JAK2: variants seen among roughly 807,000 people sequenced by gnomAD.
The protein encoded by JAK2 is tyrosine-protein kinase JAK2.
Under a neutral mutation model 139.3 loss-of-function variants are expected in JAK2, and 86 were observed. The observed-to-expected ratio is 0.62, with a 90% CI of 0.52 to 0.74. The LOEUF is 0.74. JAK2 is among the 30% of genes least tolerant of loss of function. The pLI is 0.00. For missense variants in JAK2, 1,421 were observed against 1,360.3 expected, an observed-to-expected ratio of 1.04 and a Z score of -0.70; for synonymous variants, 490 against 437.7, an observed-to-expected ratio of 1.12 and a Z score of -1.49.
At chr9:5,101,071 G>C (rs1200297535) in intron 22 of JAK2, 3 of 152,252 alleles carry the variant, frequency 2.0e-5, no homozygotes, top group African/African-American at 7.2e-5. Context: ...TTGAAGCAGG[G>C]CGGGGCATCA....
chr9:5,036,219 G>A (rs6476935), intron 4 of JAK2, among the ~76,000 whole-genome samples: 96,203 of 151,778 alleles, frequency 0.63, 32,448 homozygotes, highest in African/African-American at 0.88. Context: ...GCTCAATGAA[G>A]TAAAAGAGGA....
At chr9:5,055,889 G>C in intron 8 of JAK2, 101 bp downstream of exon 8, 1 of 1,093,156 alleles carries the variant, frequency 9.1e-7, no homozygotes, top group Non-Finnish European at 1.3e-6. Context: ...TAGGAATTTT[G>C]ATTGTAGTTT....
At chr9:5,010,161 G>A (rs1333690321) in intron 2 of JAK2, among the ~76,000 whole-genome samples, 1 of 152,108 alleles carries the variant, frequency 6.6e-6, no homozygotes, top group Non-Finnish European at 1.5e-5. Flanking sequence ...GTAAATTTCT[G>A]ATTTGCTGAT....
chr9:5,010,936 C>T (rs1212449399), intron 2 of JAK2, among the ~76,000 whole-genome samples: 3 of 152,240 alleles, frequency 2.0e-5, no homozygotes, highest in East Asian at 3.9e-4. Context: ...ACAGCTTTCC[C>T]CCTCTCCCTA....
At chr9:5,048,931 T>C (rs1233229320) in intron 5 of JAK2, among the ~76,000 whole-genome samples, 1 of 152,146 alleles carries the variant, frequency 6.6e-6, no homozygotes, top group Non-Finnish European at 1.5e-5. Flanking sequence ...AAAATTGGTA[T>C]TATGTTTAGA....
chr9:5,121,859 G>C (rs1823638531), intron 22 of JAK2, among the ~76,000 whole-genome samples: 1 of 152,130 alleles, frequency 6.6e-6, no homozygotes, highest in South Asian at 2.1e-4. Flanking sequence ...ATTACAATGA[G>C]TGCTATATGA....
intron 12 of JAK2, 79 bp downstream of exon 12, chr9:5,070,131 C>T: frequency 7.0e-6 from 7 of 1,003,230 alleles, no homozygotes; most frequent in Non-Finnish European, 1.0e-5. Flanking sequence ...ATTCATGTGA[C>T]ATTGGAATTA....
chr9:5,055,915 A>ACAT (rs1209237490), intron 8 of JAK2, 127 bp downstream of exon 8: 1 of 772,186 alleles, frequency 1.3e-6, no homozygotes, highest in African/African-American at 1.8e-5. Context: ...ATAACTCTAA[A>ACAT]CATCAGTTCA....
chr9:5,015,531 T>A (rs568973926), intron 2 of JAK2, among the ~76,000 whole-genome samples: 1 of 76,216 alleles, frequency 1.3e-5, no homozygotes, highest in South Asian at 3.4e-4. Context: ...CTTTTTCTTT[T>A]TCTTTTCTTT....
At chr9:5,086,058 A>T (rs1820078707) in intron 19 of JAK2, 3 of 719,020 alleles carry the variant, frequency 4.2e-6, no homozygotes, top group Non-Finnish European at 7.8e-6. Flanking sequence ...CACAAGATTA[A>T]AATAGGGTAT....
At chr9:5,102,522 A>C (rs1392941756) in intron 22 of JAK2, among the ~76,000 whole-genome samples, 3 of 152,168 alleles carry the variant, frequency 2.0e-5, no homozygotes, top group African/African-American at 7.2e-5. Context: ...CCAACATTCA[A>C]ATTCAGGAAA....
intron 22 of JAK2, chr9:5,109,228 T>G (rs1391109752): frequency 6.6e-6 from 1 of 152,194 alleles, no homozygotes; most frequent in Non-Finnish European, 1.5e-5. Flanking sequence ...TACATTAATA[T>G]TTATACATGT....
At chr9:5,093,908 A>G (rs1345812113) in intron 22 of JAK2, among the ~76,000 whole-genome samples, 1 of 152,114 alleles carries the variant, frequency 6.6e-6, no homozygotes, top group African/African-American at 2.4e-5. Flanking sequence ...TCTGTTTAAC[A>G]TTTCTCCTAG....
rs183846914 is a variant in JAK2 at position 5,063,885 on chromosome 9, T to C, written c.1057-998T>C. Among the ~76,000 whole-genome samples, 130 of 152,340 alleles carry C rather than the reference T, an allele frequency of 8.5e-4. 2 individuals carry two copies. In the East Asian group the frequency reaches 0.02, roughly 23 times the overall value. ...TATTAAGATACAATCAGGCCGGGCA[T>C]GGTGACTCACGCGTGTAATCCCAGC... On this transcript the variant is annotated intron_variant, in intron 8 of 24. Transcript: ENST00000381652.
In JAK2 at chr9:5,078,331, A is replaced by G. The variant is rs1487709003; in HGVS notation, c.2018A>G (p.Asn673Ser). 4 of 1,612,396 alleles carry G rather than the reference A, an allele frequency of 2.5e-6. No homozygotes were observed. Among genetic ancestry groups the G allele is most frequent in the Non-Finnish European group, 3.4e-6 (4 of 1,178,838 alleles). ...GAAGAAAACACCCTTATTCATGGGA[A>G]TGTATGTGCCAAAAATATTCTGCTT... is the stretch of plus-strand genomic sequence containing the variant. The part of the protein sequence containing the change: ...FLEENTLIHG[N>S]VCAKNILLIR... Residue 673 changes from asparagine to serine, a missense_variant, in exon 16 of 25, where the codon AAT (asparagine) becomes AGT (serine). Asn to Ser is a conservative substitution (Grantham distance 46). Coordinates refer to ENST00000381652, the MANE Select transcript of JAK2 (RefSeq NM_004972.4).
chr9:5,012,250 A>G (rs1821749951), intron 2 of JAK2, among the ~76,000 whole-genome samples: 1 of 152,164 alleles, frequency 6.6e-6, no homozygotes, highest in Non-Finnish European at 1.5e-5. Context: ...TTGTCTCAGG[A>G]TGGAAGAAGA....
At chr9:5,112,621 G>A in intron 22 of JAK2, 1 of 954,340 alleles carries the variant, frequency 1.0e-6, no homozygotes, top group Non-Finnish European at 1.5e-6. Flanking sequence ...TGTGGCAACT[G>A]CACCTCAACA....
chr9:5,047,223 A>C (rs1817069582), intron 5 of JAK2, among the ~76,000 whole-genome samples: 1 of 152,186 alleles, frequency 6.6e-6, no homozygotes, highest in Non-Finnish European at 1.5e-5. Context: ...TGTAGACTAT[A>C]TATAGCAAAT....
chr9:5,057,545 C>T (rs1817850168), intron 8 of JAK2, among the ~76,000 whole-genome samples: 1 of 151,516 alleles, frequency 6.6e-6, no homozygotes, highest in South Asian at 2.1e-4. Flanking sequence ...ACCATTTCCC[C>T]CTCTTCCCAA....
Sources: allele counts gnomAD v4.1 joint callset (sites outside exome capture counted in the v4.1 genomes callset), GRCh38; gene constraint gnomAD v4.1.1; transcripts MANE v1.5; gene names NCBI Gene and HGNC (gene_info 2026-07-23, HGNC 2026-07-21).